RCVRN: variants seen among roughly 807,000 people sequenced by gnomAD.
RCVRN encodes recoverin.
Under a neutral mutation model 20.4 loss-of-function variants are expected in RCVRN, and 23 were observed. That is an observed-to-expected ratio of 1.13 (90% confidence interval 0.81 to 1.60). The LOEUF (loss-of-function observed/expected upper bound fraction) is 1.60, where lower values mean the gene tolerates loss of function less well. Ranked by LOEUF, RCVRN falls within the 40% of genes most tolerant of loss-of-function variation. The pLI is 0.00. For missense variants in RCVRN, 254 were observed against 254.2 expected, an observed-to-expected ratio of 1.00 and a Z score of 0.00; for synonymous variants, 105 against 105.9, an observed-to-expected ratio of 0.99 and a Z score of 0.05.
intron 2 of RCVRN, among the ~76,000 whole-genome samples, chr17:9,898,745 G>T (rs1264508138): frequency 6.6e-6 from 1 of 152,100 alleles, no homozygotes; most frequent in African/African-American, 2.4e-5. Flanking sequence ...AGTGTGGCTT[G>T]CAGAGAGGTC....
Position 9,904,985 on chromosome 17 carries a change from C to T in RCVRN, c.196G>A (p.Ala66Thr), listed in dbSNP as rs991604561. ...TCGAAGCTGCGGAACACATGCTGGG[C>T]GTAGGCCTTGGGGTCGGTGTCGGGG... is the stretch of plus-strand genomic sequence containing the variant. ...FFPDTDPKAY[A>T]QHVFRSFDSN... is the part of the protein sequence containing the mutation. The change falls in exon 1 of 3, where the codon GCC becomes ACC. Residue 66 changes from alanine (A) to threonine (T), a missense_variant. Coordinates refer to ENST00000226193, the MANE Select transcript of RCVRN (RefSeq NM_002903.3). The surrounding 1 kb of genome is among the most constrained non-coding windows in gnomAD (Gnocchi z 5.8). 7 of 1,614,166 alleles carry T rather than the reference C, an allele frequency of 4.3e-6. No individual in the cohort carries two copies. Among genetic ancestry groups the T allele is most frequent in the South Asian group, 2.2e-5 (2 of 91,076 alleles).
intron 2 of RCVRN, 68 bp from the exon 3 acceptor site, chr17:9,898,272 G>A (rs1796380125): frequency 9.7e-6 from 9 of 928,232 alleles, no homozygotes; most frequent in South Asian, 9.1e-5. Flanking sequence ...GAGCTGCGAT[G>A]AGGCTGACAT....
chr17:9,901,106 C>T lies in RCVRN; in HGVS notation c.382-6G>A. The T allele has an allele frequency of 6.5e-7, 1 of 1,543,376 alleles. No individual in the cohort carries two copies. Among genetic ancestry groups the T allele is most frequent in the Non-Finnish European group, 8.9e-7 (1 of 1,125,002 alleles). On this transcript the variant is annotated splice_polypyrimidine_tract_variant and splice_region_variant and intron_variant, in intron 1 of 2. Transcript: ENST00000226193. ...GTGATCATTTTGAAAATAGCCTGTA[C>T]CAAACAGAAAGAAAGAACTCGTTAG...
chr17:9,898,405 G>A (rs928880439), intron 2 of RCVRN, among the ~76,000 whole-genome samples: 3 of 152,122 alleles, frequency 2.0e-5, no homozygotes, highest in African/African-American at 7.2e-5. Flanking sequence ...GACCCTTGGA[G>A]CTCCCTGCAG....
intron 1 of RCVRN, among the ~76,000 whole-genome samples, chr17:9,901,834 A>G (rs903914759): frequency 2.6e-5 from 4 of 152,194 alleles, no homozygotes; most frequent in Admixed American, 6.5e-5. Flanking sequence ...GGAAGGTTAT[A>G]TGGTTTTCCC....
At chr17:9,902,819 G>A (rs1322748620) in intron 1 of RCVRN, among the ~76,000 whole-genome samples, 1 of 152,136 alleles carries the variant, frequency 6.6e-6, no homozygotes, top group Non-Finnish European at 1.5e-5. Context: ...CCAACATGGT[G>A]AAACCCCGTC....
In RCVRN at chr17:9,904,899, G is replaced by A. The variant is rs745566776; in HGVS notation, c.282C>T (p.Thr94=). ...KEYVIALHMT[T]AGKTNQKLEW... ...CCAGCTTCTGGTTGGTCTTGCCCGC[G>A]GTGGTCATGTGCAGGGCGATGACGT... Residue 94 remains threonine (T), a synonymous_variant, in exon 1 of 3, where the codon ACC becomes ACT. Coordinates refer to ENST00000226193, the MANE Select transcript of RCVRN (RefSeq NM_002903.3). The surrounding 1 kb of genome is among the most constrained non-coding windows in gnomAD (Gnocchi z 5.8). 1.5e-5 allele frequency: 24 copies of A among 1,614,212 alleles called. No individual in the cohort carries two copies. In the East Asian group the frequency reaches 3.1e-4, roughly 21 times the overall value.
chr17:9,901,927 C>T (rs1379083103), intron 1 of RCVRN, among the ~76,000 whole-genome samples: 1 of 152,250 alleles, frequency 6.6e-6, no homozygotes, highest in Non-Finnish European at 1.5e-5. Flanking sequence ...TGCCCATGAA[C>T]TTGTAATCTG....
At position 9,904,637 on chromosome 17, in the gene RCVRN, T is replaced by G. The variant is rs1342778312; in HGVS notation, c.381+163A>C. The stretch of plus-strand genomic sequence containing the variant: ...GAAGCTGTGGGCAAGTGCCCACCCC[T>G]CTATCAATATCAGCATCTCGGAGCA... On this transcript the variant is annotated intron_variant, in intron 1 of 2. Transcript: ENST00000226193. The surrounding 1 kb of genome is among the most constrained non-coding windows in gnomAD (Gnocchi z 5.8). Among the ~76,000 whole-genome samples, 1 of 152,118 alleles carries G rather than the reference T, an allele frequency of 6.6e-6. No homozygotes were observed. Among genetic ancestry groups the G allele is most frequent in the Non-Finnish European group, 1.5e-5 (1 of 68,020 alleles).
rs2067318332 is a variant in RCVRN at position 9,896,672 on chromosome 17, GC to G, written c.*1422del. On this transcript the variant is annotated 3_prime_UTR_variant, in exon 3 of 3. Transcript: ENST00000226193. ...GGTGGGTAGCCCTTGCCTGACCTCT[GC>G]TCATCAGCTGGCTGCCCTTGGGCAA... 6.6e-6 allele frequency: 1 copy of G among 152,264 alleles called. No individual in the cohort carries two copies. The highest frequency in any genetic ancestry group is 2.4e-5 in the African/African-American group (1 of 41,444). The allele number at this position is 152,264 out of a possible 1,614,324, so 9.4% of individuals were successfully genotyped here. A position where few individuals can be genotyped will look rare whatever the true frequency, so the allele number is the denominator to read the frequency against.
In RCVRN at chr17:9,898,137, C is replaced by T. The variant is rs2067326684; in HGVS notation, c.561G>A (p.Gln187=). Reference sequence around the variant, plus strand: ...TTTCCTTCACTTTTTGAGGCTCAAACTGGATCAGTCGCAGAATTTCCTTAT... The same window carrying T: ...TTTCCTTCACTTTTTGAGGCTCAAATTGGATCAGTCGCAGAATTTCCTTAT... The part of the protein sequence containing the change: ...LANKEILRLI[Q]FEPQKVKEKM... Residue 187 remains glutamine, a synonymous_variant, in exon 3 of 3, where the codon CAG becomes CAA. Transcript: ENST00000226193. 1 of 1,614,032 alleles carries T rather than the reference C, an allele frequency of 6.2e-7. No individual in the cohort carries two copies. Among genetic ancestry groups the T allele is most frequent in the Non-Finnish European group, 8.5e-7 (1 of 1,179,938 alleles).
rs553320492 is a variant in RCVRN, at chr17:9,905,233, C to A, written c.-53G>T. ...GGAGTCGCTGGGTGGGTGGGACGTG[C>A]GTGGTCCCCTGGCCGCAGGCTGGGC... On this transcript the variant is annotated 5_prime_UTR_variant, in exon 1 of 3. Coordinates refer to ENST00000226193, the MANE Select transcript of RCVRN (RefSeq NM_002903.3). The A allele has an allele frequency of 1.4e-5, 22 of 1,528,188 alleles. No individual in the cohort carries two copies. The Middle Eastern group carries it at 5.3e-4, about 37-fold the overall frequency. The allele number at this position is 1,528,188 out of a possible 1,614,324, so 94.7% of individuals were successfully genotyped here.
At position 9,904,695 on chromosome 17, in the gene RCVRN, C is replaced by T; in HGVS notation, c.381+105G>A. The T allele has an allele frequency of 1.5e-5, 20 of 1,345,324 alleles. No individual in the cohort carries two copies. Among genetic ancestry groups the T allele is most frequent in the Middle Eastern group, 2.7e-4 (1 of 3,734 alleles). The allele number at this position is 1,345,324 out of a possible 1,614,324, so 83.3% of individuals were successfully genotyped here. On this transcript the variant is annotated intron_variant, in intron 1 of 2. Transcript: ENST00000226193. The surrounding 1 kb of genome is among the most constrained non-coding windows in gnomAD (Gnocchi z 5.8). ...CTCAGAGCCAGTGGCCCGCATCCCC[C>T]GCTCCACCCACAGATCCACTCCCTC...
chr17:9,904,550 G>T lies in RCVRN; in HGVS notation c.381+250C>A, dbSNP rs967219314. Among the ~76,000 whole-genome samples, 1 of 152,192 alleles carries T rather than the reference G, an allele frequency of 6.6e-6. No individual in the cohort carries two copies. The highest frequency in any genetic ancestry group is 1.5e-5 in the Non-Finnish European group (1 of 68,044). ...ATCGTCCGTTGTTGACCCAAACATCGTGAAGCCAAGCATAACATGGCTGTA... is the reference window on the plus strand; with the variant it reads ...ATCGTCCGTTGTTGACCCAAACATCTTGAAGCCAAGCATAACATGGCTGTA... On this transcript the variant is annotated intron_variant, in intron 1 of 2. Transcript: ENST00000226193. This position sits in a 1 kb window ranked among gnomAD's most constrained non-coding sequence, Gnocchi z 5.8.
At chr17:9,903,874 C>T (rs2067351684) in intron 1 of RCVRN, among the ~76,000 whole-genome samples, 1 of 152,160 alleles carries the variant, frequency 6.6e-6, no homozygotes, top group African/African-American at 2.4e-5. Context: ...AGGCAGTTGT[C>T]ACACGATGGT....
At position 9,899,877 on chromosome 17, in the gene RCVRN, C is replaced by G. The variant is rs2067334086; in HGVS notation, c.493+1112G>C. ...AGGAGCAGGGTCATCTCTCTCTGCC[C>G]TTATTTAGCATCCTGCTCAGCTTTT... On this transcript the variant is annotated intron_variant, in intron 2 of 2. Transcript: ENST00000226193. This position sits in a 1 kb window ranked among gnomAD's most constrained non-coding sequence, Gnocchi z 4.6. Among the ~76,000 whole-genome samples, 1 of 152,136 alleles carries G rather than the reference C, an allele frequency of 6.6e-6. No homozygotes were observed. Among genetic ancestry groups the G allele is most frequent in the African/African-American group, 2.4e-5 (1 of 41,418 alleles).
At position 9,899,969 on chromosome 17, in the gene RCVRN, ATG is replaced by A. The variant is rs1195698628; in HGVS notation, c.493+1018_493+1019del. Among the ~76,000 whole-genome samples the A allele has an allele frequency of 6.6e-6, 1 of 152,034 alleles. No individual in the cohort carries two copies. Among genetic ancestry groups the A allele is most frequent in the East Asian group, 1.9e-4 (1 of 5,194 alleles). On this transcript the variant is annotated intron_variant, in intron 2 of 2. Coordinates refer to ENST00000226193, the MANE Select transcript of RCVRN (RefSeq NM_002903.3). The surrounding 1 kb of genome is among the most constrained non-coding windows in gnomAD (Gnocchi z 4.6). ...AAAGGGGTTAATACAGGACCCTTGG[ATG>A]TGTTTGGGCCATGCTGTGTTTTATC... is the stretch of plus-strand genomic sequence containing the variant.
At chr17:9,902,541 G>A (rs565864713) in intron 1 of RCVRN, among the ~76,000 whole-genome samples, 1 of 151,062 alleles carries the variant, frequency 6.6e-6, no homozygotes, top group Admixed American at 6.6e-5. Context: ...TAAGTGGCAG[G>A]GGCAGGGGGA....
rs1421893367 is a variant in RCVRN at position 9,899,810 on chromosome 17, C to G, written c.493+1179G>C. Among the ~76,000 whole-genome samples, 1 of 152,188 alleles carries G rather than the reference C, an allele frequency of 6.6e-6. No individual in the cohort carries two copies. Among genetic ancestry groups the G allele is most frequent in the Non-Finnish European group, 1.5e-5 (1 of 68,032 alleles). On this transcript the variant is annotated intron_variant, in intron 2 of 2. Transcript: ENST00000226193. The surrounding 1 kb of genome is among the most constrained non-coding windows in gnomAD (Gnocchi z 4.6). Reference sequence around the variant, plus strand: ...TCCTATGTTCCTCCTACCCCAATGACCTTCATGCTTCTCTTATTTCATCAT... The same window carrying G: ...TCCTATGTTCCTCCTACCCCAATGAGCTTCATGCTTCTCTTATTTCATCAT...
Sources: gnomAD v4.1 joint callset for allele counts (sites outside exome capture counted in the v4.1 genomes callset) on GRCh38, gnomAD v4.1.1 for gene constraint, Gnocchi (gnomAD v3.1) non-coding constraint, MANE v1.5 for transcripts, NCBI Gene and HGNC (gene_info 2026-07-23, HGNC 2026-07-21) for gene names.